ZCCHC14: variants seen among roughly 807,000 people sequenced by gnomAD.
ZCCHC14 encodes the protein zinc finger CCHC domain-containing protein 14.
Under a neutral mutation model 85.0 loss-of-function variants are expected in ZCCHC14, and 16 were observed. The observed-to-expected ratio is 0.19, with a 90% CI of 0.13 to 0.29. ZCCHC14 has a LOEUF of 0.29. ZCCHC14 is among the 10% of genes least tolerant of loss of function. ZCCHC14 has a pLI of 1.00. For missense variants in ZCCHC14, 1,303 were observed against 1,443.5 expected (o/e 0.90, Z 1.58); for synonymous variants, 775 against 630.7 (o/e 1.23, Z -3.43).
intron 2 of ZCCHC14, among the ~76,000 whole-genome samples, chr16:87,439,046 A>G (rs556733997): frequency 2.4e-4 from 37 of 152,230 alleles, no homozygotes; most frequent in Admixed American, 2.4e-3. Flanking sequence ...GAACATTACC[A>G]AGTTTCCTTT....
chr16:87,421,071 T>C (rs982136721), intron 4 of ZCCHC14, among the ~76,000 whole-genome samples: 13 of 152,188 alleles, frequency 8.5e-5, no homozygotes, highest in Non-Finnish European at 1.8e-4. Flanking sequence ...CACCAGCAGG[T>C]CTGGAGAGAC....
intron 2 of ZCCHC14, among the ~76,000 whole-genome samples, chr16:87,453,029 G>A (rs1697146851): frequency 6.6e-6 from 1 of 152,250 alleles, no homozygotes; most frequent in Non-Finnish European, 1.5e-5. Flanking sequence ...CCTTGACAGA[G>A]GAGTGGACAC....
chr16:87,468,398 T>C (rs1474092030), intron 1 of ZCCHC14, among the ~76,000 whole-genome samples: 1 of 152,102 alleles, frequency 6.6e-6, no homozygotes, highest in African/African-American at 2.4e-5. Flanking sequence ...GTGTTGTGCA[T>C]GTTCATTCAG....
At chr16:87,432,576 A>G (rs1259145946) in intron 3 of ZCCHC14, among the ~76,000 whole-genome samples, 1 of 152,118 alleles carries the variant, frequency 6.6e-6, no homozygotes, top group African/African-American at 2.4e-5. Context: ...TACAGCGTCC[A>G]GGGAACGGGG....
intron 2 of ZCCHC14, among the ~76,000 whole-genome samples, chr16:87,453,719 G>A (rs1177566036): frequency 6.6e-6 from 1 of 152,242 alleles, no homozygotes; most frequent in African/African-American, 2.4e-5. Flanking sequence ...TTCAGAACAT[G>A]AGAAAAGCTG....
Position 87,457,940 on chromosome 16 carries a change from G to A in ZCCHC14, c.694+2068C>T, listed in dbSNP as rs548642673. 1.1e-4 allele frequency among the ~76,000 whole-genome samples: 16 copies of A among 152,246 alleles called. No individual in the cohort carries two copies. The East Asian group carries it at 3.1e-3, about 29-fold the overall frequency. ...TGCTCGCTGCGGTATTTTAAGCACT[G>A]TGGGGTTTGAGAATGACCACTCGTG... On this transcript the variant is annotated intron_variant, in intron 2 of 12. Transcript: ENST00000671377.
At chr16:87,483,712 A>C (rs924801556) in intron 1 of ZCCHC14, among the ~76,000 whole-genome samples, 17 of 152,206 alleles carry the variant, frequency 1.1e-4, no homozygotes, top group Non-Finnish European at 2.5e-4. Context: ...AAGGTTAGGG[A>C]AACAGGCCTT....
intron 3 of ZCCHC14, among the ~76,000 whole-genome samples, chr16:87,432,823 C>T (rs940676196): frequency 7.2e-5 from 11 of 152,188 alleles, no homozygotes; most frequent in Admixed American, 7.2e-4. Flanking sequence ...GTTCTGTGTG[C>T]GCTGCTCCGC....
chr16:87,452,197 G>A (rs1177539196), intron 2 of ZCCHC14, among the ~76,000 whole-genome samples: 1 of 152,238 alleles, frequency 6.6e-6, no homozygotes, highest in East Asian at 1.9e-4. Flanking sequence ...GCCTTGCAGG[G>A]CCAAAGCCAC....
chr16:87,416,593 A>AAAAATAC (rs1168376798), intron 8 of ZCCHC14, among the ~76,000 whole-genome samples: 1 of 152,056 alleles, frequency 6.6e-6, no homozygotes, highest in Non-Finnish European at 1.5e-5. Flanking sequence ...TGATTCTACT[A>AAAAATAC]AAAATACAAA....
At chr16:87,463,297 G>A (rs1201908352) in intron 1 of ZCCHC14, among the ~76,000 whole-genome samples, 2 of 152,110 alleles carry the variant, frequency 1.3e-5, no homozygotes, top group Non-Finnish European at 2.9e-5. Flanking sequence ...TGGGAGCATC[G>A]CTTGAGCCCA....
At chr16:87,452,868 T>G (rs1910772586) in intron 2 of ZCCHC14, among the ~76,000 whole-genome samples, 1 of 152,204 alleles carries the variant, frequency 6.6e-6, no homozygotes, top group South Asian at 2.1e-4. Flanking sequence ...CGAAGCCCCA[T>G]GCCTTCCAGC....
intron 1 of ZCCHC14, among the ~76,000 whole-genome samples, chr16:87,481,972 G>A (rs1446299431): frequency 6.6e-6 from 1 of 152,172 alleles, no homozygotes; most frequent in Non-Finnish European, 1.5e-5. Flanking sequence ...AAGGGCGAGA[G>A]AGCCAGAGAG....
intron 3 of ZCCHC14, among the ~76,000 whole-genome samples, chr16:87,431,849 C>T (rs1163588664): frequency 6.6e-6 from 1 of 152,196 alleles, no homozygotes; most frequent in Non-Finnish European, 1.5e-5. Context: ...GTGGTCTTTC[C>T]CTGGGCTCCG....
At chr16:87,466,446 G>C (rs1199779781) in intron 1 of ZCCHC14, among the ~76,000 whole-genome samples, 2 of 152,234 alleles carry the variant, frequency 1.3e-5, no homozygotes, top group East Asian at 3.9e-4. Flanking sequence ...TGAGCTTTTA[G>C]AGCAGGGTTT....
At chr16:87,479,412 G>A (rs1912166774) in intron 1 of ZCCHC14, among the ~76,000 whole-genome samples, 2 of 125,908 alleles carry the variant, frequency 1.6e-5, no homozygotes, top group African/African-American at 7.3e-5. Context: ...GCAAGACTAC[G>A]TCTCAAAAAA....
At chr16:87,417,061 G>T (rs977134183) in intron 8 of ZCCHC14, among the ~76,000 whole-genome samples, 1 of 152,134 alleles carries the variant, frequency 6.6e-6, no homozygotes, top group African/African-American at 2.4e-5. Flanking sequence ...CGACTGCTTG[G>T]AAGATGTAAA....
chr16:87,488,557 G>A (rs1046060127), intron 1 of ZCCHC14, among the ~76,000 whole-genome samples: 4 of 152,090 alleles, frequency 2.6e-5, no homozygotes, highest in East Asian at 1.9e-4. Context: ...TGACTATTTC[G>A]GAAAATACAG....
rs958308973 is a variant in ZCCHC14 at position 87,431,383 on chromosome 16, A to G, written c.768+1745T>C. On this transcript the variant is annotated intron_variant, in intron 3 of 12. Transcript: ENST00000671377. The stretch of plus-strand genomic sequence containing the variant: ...AGCTACTCAGGAGGCTGAGGCAGGA[A>G]AATGGTGTGAACCCGGGAGGCGGAG... 4.6e-5 allele frequency among the ~76,000 whole-genome samples: 7 copies of G among 151,332 alleles called. No homozygotes were observed. In the East Asian group the frequency reaches 9.8e-4, roughly 21 times the overall value.
Sources: gnomAD v4.1 joint callset for allele counts (sites outside exome capture counted in the v4.1 genomes callset) on GRCh38, gnomAD v4.1.1 for gene constraint, MANE v1.5 for transcripts, NCBI Gene and HGNC (gene_info 2026-07-23, HGNC 2026-07-21) for gene names.